Variants in EHD4 observed in about 807,000 individuals in gnomAD.
EHD4 encodes the protein EH domain containing 4, also known as EH domain-containing protein 4.
A neutral mutation model predicts 51.0 loss-of-function variants in EHD4; 37 were observed. That is an observed-to-expected ratio of 0.73 (90% CI 0.56 to 0.95). EHD4 has a LOEUF of 0.95. EHD4 is among the 40% of genes least tolerant of loss of function. EHD4 has a pLI of 0.00. For missense variants in EHD4, 632 were observed against 733.1 expected (o/e 0.86, Z 1.59); for synonymous variants, 297 against 317.3 (o/e 0.94, Z 0.68).
chr15:41,898,139 T>C lies in EHD4; in HGVS notation c.*2506A>G, dbSNP rs1167857215. 2 of 152,190 alleles carry C rather than the reference T, an allele frequency of 1.3e-5. No individual in the cohort carries two copies. The highest frequency in any genetic ancestry group is 4.8e-5 in the African/African-American group (2 of 41,450). 9.4% of individuals were successfully genotyped at this position (152,190 alleles called of 1,614,324 possible). A position where few individuals can be genotyped will look rare whatever the true frequency, so the allele number is the denominator to read the frequency against. ...GATATTAAGAAAAGTGGCCAAATGA[T>C]TTCCTTTTTTTTTCCTTTCTCTCCA... On this transcript the variant is annotated 3_prime_UTR_variant, in exon 6 of 6. Coordinates refer to ENST00000220325, the MANE Select transcript of EHD4 (RefSeq NM_139265.4).
chr15:41,929,671 C>G (rs2067685837), intron 3 of EHD4, among the ~76,000 whole-genome samples: 1 of 152,174 alleles, frequency 6.6e-6, no homozygotes, highest in African/African-American at 2.4e-5. Context: ...TCCTGTAAGT[C>G]CTGGAGCCTG....
rs765634682 is a variant in EHD4 at position 41,898,622 on chromosome 15, G to A, written c.*2023C>T. 1 of 152,136 alleles carries A rather than the reference G, an allele frequency of 6.6e-6. No homozygotes were observed. Among genetic ancestry groups the A allele is most frequent in the Non-Finnish European group, 1.5e-5 (1 of 68,046 alleles). The allele number at this position is 152,136 out of a possible 1,614,324, so 9.4% of individuals were successfully genotyped here. A position where few individuals can be genotyped will look rare whatever the true frequency, so the allele number is the denominator to read the frequency against. ...TGGGAGGCCGAGGTGGGTAGATCAC[G>A]AGGTCAGGAGATCGAGACCATATTG... On this transcript the variant is annotated 3_prime_UTR_variant, in exon 6 of 6. Transcript: ENST00000220325.
At chr15:41,963,037 G>A (rs1371480946) in intron 1 of EHD4, among the ~76,000 whole-genome samples, 1 of 152,166 alleles carries the variant, frequency 6.6e-6, no homozygotes, top group Non-Finnish European at 1.5e-5. Context: ...TCCACTCAGG[G>A]TTAAATGGAT....
chr15:41,937,497 T>G (rs1200772345), intron 3 of EHD4, among the ~76,000 whole-genome samples: 1 of 152,222 alleles, frequency 6.6e-6, no homozygotes, highest in African/African-American at 2.4e-5. Context: ...AGCCAGGCTC[T>G]GATCAACAGC....
At chr15:41,952,998 CAAA>C (rs33930801) in intron 2 of EHD4, among the ~76,000 whole-genome samples, 42 of 69,076 alleles carry the variant, frequency 6.1e-4, no homozygotes, top group Admixed American at 1.5e-3. Context: ...TTCCCCCCCG[CAAA>C]AAAAAAAAAA....
chr15:41,964,271 G>A (rs1383810999), intron 1 of EHD4, among the ~76,000 whole-genome samples: 2 of 151,478 alleles, frequency 1.3e-5, no homozygotes, highest in East Asian at 1.9e-4. Flanking sequence ...TAAGTTCAAC[G>A]TCACTAGTAA....
chr15:41,902,790 T>C (rs965219553), intron 5 of EHD4, among the ~76,000 whole-genome samples: 1 of 147,912 alleles, frequency 6.8e-6, no homozygotes, highest in Non-Finnish European at 1.5e-5. Flanking sequence ...TATATATGTA[T>C]GTGTATATAT....
chr15:41,937,060 T>G (rs1230151412), intron 3 of EHD4, among the ~76,000 whole-genome samples: 1 of 152,158 alleles, frequency 6.6e-6, no homozygotes, highest in East Asian at 1.9e-4. Flanking sequence ...CAGAGTCAGG[T>G]CACTGAATGC....
intron 1 of EHD4, among the ~76,000 whole-genome samples, chr15:41,959,186 A>G (rs1250125692): frequency 2.6e-5 from 4 of 151,972 alleles, no homozygotes; most frequent in Admixed American, 1.3e-4. Flanking sequence ...AGGTCAGGAG[A>G]TCGAGACCAT....
rs779853553 is a variant in EHD4, at chr15:41,943,135, A to G, written c.443T>C (p.Val148Ala). ...GTCGATGACGCTGATGCTCTTCAGG[A>G]CCTGATTGGGGAGCTGTGAGCACAT... Reference protein sequence around the residue: ...RFMCSQLPNQVLKSISVIDSP... With the variant: ...RFMCSQLPNQALKSISVIDSP... Residue 148 changes from valine (V) to alanine (A), a missense_variant, in exon 3 of 6, where the codon GTC becomes GCC. Val to Ala is a moderately conservative substitution (Grantham distance 64). Transcript: ENST00000220325. 6.3e-7 allele frequency: 1 copy of G among 1,593,790 alleles called. No individual in the cohort carries two copies. Among genetic ancestry groups the G allele is most frequent in the South Asian group, 1.1e-5 (1 of 87,302 alleles).
At chr15:41,901,425 C>A (rs867988736) in intron 5 of EHD4, among the ~76,000 whole-genome samples, 1 of 152,342 alleles carries the variant, frequency 6.6e-6, no homozygotes, top group Middle Eastern at 3.4e-3. Context: ...GCGACAGCAA[C>A]CTCCGAGGAC....
chr15:41,922,603 G>T (rs928357347), intron 3 of EHD4, among the ~76,000 whole-genome samples: 23 of 152,122 alleles, frequency 1.5e-4, no homozygotes, highest in Non-Finnish European at 3.1e-4. Context: ...TCCCAGGGCC[G>T]CCTGGGTTGA....
At chr15:41,936,891 A>T (rs2067735060) in intron 3 of EHD4, among the ~76,000 whole-genome samples, 1 of 152,164 alleles carries the variant, frequency 6.6e-6, no homozygotes, top group African/African-American at 2.4e-5. Context: ...ATTTCCTGCT[A>T]GAGGCCCAAG....
chr15:41,946,918 A>G (rs1014578480), intron 2 of EHD4, among the ~76,000 whole-genome samples: 2 of 152,224 alleles, frequency 1.3e-5, no homozygotes, highest in Non-Finnish European at 2.9e-5. Flanking sequence ...AGTTATAATA[A>G]TAATAAAATA....
intron 1 of EHD4, among the ~76,000 whole-genome samples, chr15:41,956,656 T>C (rs2067890327): frequency 6.6e-6 from 1 of 152,248 alleles, no homozygotes; most frequent in Non-Finnish European, 1.5e-5. Flanking sequence ...TAAATCATTT[T>C]TAAAGTGTGC....
At chr15:41,918,960 T>A (rs1476935290) in intron 4 of EHD4, among the ~76,000 whole-genome samples, 11 of 152,182 alleles carry the variant, frequency 7.2e-5, no homozygotes, top group Non-Finnish European at 1.6e-4. Flanking sequence ...TCACCCCAAG[T>A]TCTTGTGAAG....
At chr15:41,902,703 G>C (rs1286441985) in intron 5 of EHD4, among the ~76,000 whole-genome samples, 1 of 151,582 alleles carries the variant, frequency 6.6e-6, no homozygotes, top group Non-Finnish European at 1.5e-5. Context: ...GAGCCCAGGA[G>C]TTCAAGACCA....
chr15:41,919,127 C>A, intron 4 of EHD4, 83 bp downstream of exon 4: 1 of 1,559,202 alleles, frequency 6.4e-7, no homozygotes, highest in South Asian at 1.1e-5. Context: ...TGGAACGAAG[C>A]CTCCTCCCAC....
chr15:41,952,996 C>G (rs1371053885), intron 2 of EHD4, among the ~76,000 whole-genome samples: 9 of 81,258 alleles, frequency 1.1e-4, no homozygotes, highest in South Asian at 1.1e-3. Context: ...TCTTCCCCCC[C>G]GCAAAAAAAA....
Sources: gnomAD v4.1 joint callset for allele counts (sites outside exome capture counted in the v4.1 genomes callset) on GRCh38, gnomAD v4.1.1 for gene constraint, MANE v1.5 for transcripts, NCBI Gene and HGNC (gene_info 2026-07-23, HGNC 2026-07-21) for gene names.